Variants in MIB2 observed in about 807,000 individuals in gnomAD.
MIB2 encodes the protein E3 ubiquitin-protein ligase MIB2.
In MIB2, 78 loss-of-function variants were observed where a neutral mutation model predicts 96.6. The ratio of observed to expected loss-of-function variants is 0.81; its 90% CI spans 0.67 to 0.97. The LOEUF (loss-of-function observed/expected upper bound fraction) is 0.97, where lower values mean the gene tolerates loss of function less well. MIB2 is among the 50% of genes least tolerant of loss of function. The pLI is 0.00. For missense variants in MIB2, 1,543 were observed against 1,424.0 expected (o/e 1.08, Z -1.35); for synonymous variants, 820 against 629.5 (o/e 1.30, Z -4.53).
chr1:1,627,861 T>G lies in MIB2; in HGVS notation c.1680+32T>G, dbSNP rs367595363. The stretch of plus-strand genomic sequence containing the variant: ...GCTGCTCCCTGGCCTGGGTGCCCCC[T>G]GCCCGTGAGTGCTTGTCCCTGGCCT... On this transcript the variant is annotated intron_variant, in intron 13 of 19. Coordinates refer to ENST00000355826, the MANE Select transcript of MIB2 (RefSeq NM_001170687.4). 1.1e-5 allele frequency: 17 copies of G among 1,595,912 alleles called. No homozygotes were observed. In the East Asian group the frequency reaches 1.6e-4, roughly 15 times the overall value.
intron 2 of MIB2, among the ~76,000 whole-genome samples, chr1:1,621,393 C>T (rs1319779521): frequency 6.6e-6 from 1 of 152,266 alleles, no homozygotes; most frequent in East Asian, 1.9e-4. Flanking sequence ...TCCCTGATGG[C>T]TGTGGAGCTG....
chr1:1,624,072 C>G, intron 4 of MIB2, 127 bp downstream of exon 4: 2 of 1,225,492 alleles, frequency 1.6e-6, no homozygotes. Flanking sequence ...TCTCCAGAGC[C>G]GTGGCCTTAA....
chr1:1,630,594 A>T lies in MIB2; in HGVS notation c.*64A>T, dbSNP rs1000486332. The T allele has an allele frequency of 4.0e-5, 53 of 1,324,850 alleles. No homozygotes were observed. The South Asian group carries it at 7.8e-4, about 19-fold the overall frequency. 82.1% of individuals were successfully genotyped at this position (1,324,850 alleles called of 1,614,324 possible). On this transcript the variant is annotated 3_prime_UTR_variant, in exon 20 of 20. Coordinates refer to ENST00000355826, the MANE Select transcript of MIB2 (RefSeq NM_001170687.4). ...CCCCGCCCTGTGTTTTATAAAAAGA[A>T]AGATTCTCGGACGTTGCCTCTGCTG...
intron 2 of MIB2, among the ~76,000 whole-genome samples, chr1:1,620,397 G>C (rs1245784061): frequency 1.3e-5 from 2 of 152,326 alleles, no homozygotes; most frequent in East Asian, 1.9e-4. Context: ...ACCTCCAGTC[G>C]GTTCTGCGGC....
chr1:1,630,080 G>C (rs1300147361), intron 19 of MIB2, among the ~76,000 whole-genome samples: 31 of 94,364 alleles, frequency 3.3e-4, no homozygotes, highest in African/African-American at 1.2e-3. Flanking sequence ...ACTCCAGCCC[G>C]CACACCACCT....
rs940808002 is a variant in MIB2 at position 1,629,205 on chromosome 1, G to A, written c.2275G>A (p.Glu759Lys). Residue 759 changes from glutamate to lysine, a missense_variant, in exon 17 of 20, where the codon GAG becomes AAG. By Grantham distance (56) the Glu-to-Lys change is moderately conservative. Coordinates refer to ENST00000355826, the MANE Select transcript of MIB2 (RefSeq NM_001170687.4). ...GGCGGTCGCCTGCTTCCTGGCGCTG[G>A]AGGGCGCCGACGTGAGCTACACCAA... ...GAAVACFLAL[E>K]GADVSYTNHR... The A allele has an allele frequency of 6.6e-7, 1 of 1,526,182 alleles. No homozygotes were observed. Among genetic ancestry groups the A allele is most frequent in the Non-Finnish European group, 8.7e-7 (1 of 1,146,060 alleles). The allele number at this position is 1,526,182 out of a possible 1,614,324, so 94.5% of individuals were successfully genotyped here.
chr1:1,622,287 AGTG>A (rs1335080667), intron 2 of MIB2, among the ~76,000 whole-genome samples: 1 of 152,230 alleles, frequency 6.6e-6, no homozygotes, highest in African/African-American at 2.4e-5. Context: ...GCTGGAGTGT[AGTG>A]GTGCGATCAC....
At position 1,615,601 on chromosome 1, in the gene MIB2, C is replaced by T; in HGVS notation, c.-162C>T. 1 of 1,567,450 alleles carries T rather than the reference C, an allele frequency of 6.4e-7. No individual in the cohort carries two copies. The highest frequency in any genetic ancestry group is 8.6e-7 in the Non-Finnish European group (1 of 1,161,102). ...CCGTCCCCGAGTCGCTCCTAGGTCACTGGCGCGATGCGGGCCGTCCTCTCG... is the reference window on the plus strand; with the variant it reads ...CCGTCCCCGAGTCGCTCCTAGGTCATTGGCGCGATGCGGGCCGTCCTCTCG... On this transcript the variant is annotated 5_prime_UTR_variant, in exon 1 of 20. Coordinates refer to ENST00000355826, the MANE Select transcript of MIB2 (RefSeq NM_001170687.4).
intron 4 of MIB2, 97 bp from the exon 5 acceptor site, chr1:1,624,698 A>C: frequency 8.6e-7 from 1 of 1,158,206 alleles, no homozygotes; most frequent in Non-Finnish European, 1.3e-6. Flanking sequence ...CTGGGTGGAC[A>C]GGGGGCCTGC....
Position 1,629,636 on chromosome 1 carries a change from C to T in MIB2, c.2564-3C>T. On this transcript the variant is annotated splice_polypyrimidine_tract_variant and splice_region_variant and intron_variant, in intron 18 of 19. Coordinates refer to ENST00000355826, the MANE Select transcript of MIB2 (RefSeq NM_001170687.4). ...GCAGCCAACCGCGCTCTCCTCTTCG[C>T]AGAGTGCGCGCGCAGGATGAAGAAG... The T allele has an allele frequency of 2.5e-6, 4 of 1,589,266 alleles. No individual in the cohort carries two copies. Among genetic ancestry groups the T allele is most frequent in the Non-Finnish European group, 3.4e-6 (4 of 1,168,340 alleles).
At chr1:1,615,423 T>C, upstream of MIB2, 1 of 1,485,104 alleles carries the variant, frequency 6.7e-7, no homozygotes, top group Non-Finnish European at 8.9e-7. Flanking sequence ...GCACTTCCGG[T>C]GCTTGCCCTG....
rs1417730664 is a variant in MIB2, at chr1:1,616,534, C to T, written c.-103C>T. On this transcript the variant is annotated 5_prime_UTR_variant, in exon 2 of 20. Transcript: ENST00000355826. ...GTTGGAAGCCCAGCGAGGCTAGAGG[C>T]CAGTCCCAAAGTTTCCAGGCATCAG... 1.9e-6 allele frequency: 3 copies of T among 1,601,470 alleles called. No individual in the cohort carries two copies. Among genetic ancestry groups the T allele is most frequent in the Admixed American group, 3.4e-5 (2 of 58,766 alleles).
Position 1,626,778 on chromosome 1 carries a change from C to T in MIB2, c.1077+24C>T, listed in dbSNP as rs772874602. On this transcript the variant is annotated intron_variant, in intron 9 of 19. Coordinates refer to ENST00000355826, the MANE Select transcript of MIB2 (RefSeq NM_001170687.4). This position sits in a 1 kb window ranked among gnomAD's most constrained non-coding sequence, Gnocchi z 5.3. ...CTGTGAGTCCCCCTGCCACCCCCGC[C>T]GCTAGCGCCGCTGCCCCCCACACCT... 32 of 1,575,198 alleles carry T rather than the reference C, an allele frequency of 2.0e-5. No individual in the cohort carries two copies. The highest frequency in any genetic ancestry group is 4.0e-5 in the African/African-American group (3 of 74,372).
chr1:1,629,576 G>A lies in MIB2; in HGVS notation c.2563+10G>A. 1 of 1,559,536 alleles carries A rather than the reference G, an allele frequency of 6.4e-7. No homozygotes were observed. The highest frequency in any genetic ancestry group is 8.7e-7 in the Non-Finnish European group (1 of 1,153,932). ...CGCACCGTGTGTGAGGGTGAGTGGG[G>A]GGCCCCGGGGTGGGGAGGCCCGGCT... is the stretch of plus-strand genomic sequence containing the variant. On this transcript the variant is annotated intron_variant, in intron 18 of 19. Coordinates refer to ENST00000355826, the MANE Select transcript of MIB2 (RefSeq NM_001170687.4).
chr1:1,615,271 G>GC (rs1330577429), upstream of MIB2: 1 of 1,221,982 alleles, frequency 8.2e-7, no homozygotes, highest in African/African-American at 1.6e-5. Flanking sequence ...GTGCCAGCGA[G>GC]CGCGACGTCG....
Position 1,626,587 on chromosome 1 carries a change from T to C in MIB2, c.973-63T>C, listed in dbSNP as rs1288612582. 4 of 1,388,078 alleles carry C rather than the reference T, an allele frequency of 2.9e-6. No homozygotes were observed. The highest frequency in any genetic ancestry group is 3.8e-6 in the Non-Finnish European group (4 of 1,039,544). The allele number at this position is 1,388,078 out of a possible 1,614,324, so 86.0% of individuals were successfully genotyped here. A position where few individuals can be genotyped will look rare whatever the true frequency, so the allele number is the denominator to read the frequency against. On this transcript the variant is annotated intron_variant, in intron 8 of 19. Transcript: ENST00000355826. The surrounding 1 kb of genome is among the most constrained non-coding windows in gnomAD (Gnocchi z 5.3). ...TGGAGCTCAGCAGGTTGCCCTCCTG[T>C]TGCATGAGCCTGGGCAGCCACACAC...
chr1:1,627,502 C>T (rs1485730509), intron 12 of MIB2, 58 bp downstream of exon 12: 2 of 1,525,074 alleles, frequency 1.3e-6, no homozygotes, highest in Non-Finnish European at 1.8e-6. Flanking sequence ...TGGGGTGAGG[C>T]CTGGGAGGGG....
rs931577385 is a variant in MIB2 at position 1,626,037 on chromosome 1, A to T, written c.972+384A>T. ...ACAGGGAGGTGGATGCTTGGCCTAGAGTGGTGGGGGAGGTAGTGAGGGCTG... is the reference window on the plus strand; with the variant it reads ...ACAGGGAGGTGGATGCTTGGCCTAGTGTGGTGGGGGAGGTAGTGAGGGCTG... On this transcript the variant is annotated intron_variant, in intron 8 of 19. Transcript: ENST00000355826. This position sits in a 1 kb window ranked among gnomAD's most constrained non-coding sequence, Gnocchi z 5.3. The T allele has an allele frequency of 2.6e-5, 3 of 114,794 alleles. No homozygotes were observed. The highest frequency in any genetic ancestry group is 3.2e-5 in the Non-Finnish European group (2 of 62,878). 7.1% of individuals were successfully genotyped at this position (114,794 alleles called of 1,614,324 possible). A position where few individuals can be genotyped will look rare whatever the true frequency, so the allele number is the denominator to read the frequency against.
Position 1,623,760 on chromosome 1 carries a change from C to A in MIB2, c.248-14C>A. The A allele has an allele frequency of 6.3e-7, 1 of 1,579,638 alleles. No individual in the cohort carries two copies. Among genetic ancestry groups the A allele is most frequent in the South Asian group, 1.2e-5 (1 of 85,834 alleles). ...GGGGGCGGGAACGCCCCTCTGACCC[C>A]ACCCCACCCCCAGGCGTCCGGCACC... On this transcript the variant is annotated splice_polypyrimidine_tract_variant and intron_variant, in intron 3 of 19. Coordinates refer to ENST00000355826, the MANE Select transcript of MIB2 (RefSeq NM_001170687.4).
Sources: gnomAD v4.1 joint callset for allele counts (sites outside exome capture counted in the v4.1 genomes callset) on GRCh38, gnomAD v4.1.1 for gene constraint, Gnocchi (gnomAD v3.1) non-coding constraint, MANE v1.5 for transcripts, NCBI Gene and HGNC (gene_info 2026-07-23, HGNC 2026-07-21) for gene names.